PAFAH2: variants seen among roughly 807,000 people sequenced by gnomAD.
PAFAH2 encodes the protein platelet-activating factor acetylhydrolase 2, cytoplasmic.
A neutral mutation model predicts 49.0 loss-of-function variants in PAFAH2; 42 were observed. The ratio of observed to expected loss-of-function variants is 0.86; its 90% confidence interval spans 0.67 to 1.11. PAFAH2 has a LOEUF of 1.11. Among genes scored for constraint, PAFAH2 ranks in the 50% least tolerant of loss-of-function variants. PAFAH2 has a pLI of 0.00. For synonymous variants in PAFAH2, 184 were observed against 181.3 expected (o/e 1.01, Z -0.12); for missense variants, 503 against 501.8 (o/e 1.00, Z -0.02).
intron 7 of PAFAH2, among the ~76,000 whole-genome samples, chr1:25,978,519 C>T (rs745655168): frequency 3.0e-4 from 46 of 152,308 alleles, no homozygotes; most frequent in Non-Finnish European, 6.0e-4. Flanking sequence ...ATCTTTTCCT[C>T]TTCTTCCTGG....
chr1:25,989,550 C>A lies in PAFAH2; in HGVS notation c.142G>T (p.Glu48Ter). ...YPCQKAEETMEQPLWIPRYEY... is the reference protein window; with the variant it reads ...YPCQKAEETM ...TAGCGGGGAATCCACAGGGGCTGCT[C>A]CATGGTCTCCTCTGCCTTTTGGCAG... The change falls in exon 3 of 11, where the codon GAG (glutamate) becomes TAG (stop). Residue 48 changes from glutamate (E) to a stop codon, truncating the protein, a stop_gained. Coordinates refer to ENST00000374282, the MANE Select transcript of PAFAH2 (RefSeq NM_000437.4). LOFTEE classifies it high-confidence loss of function. 2 of 1,612,204 alleles carry A rather than the reference C, an allele frequency of 1.2e-6. No individual in the cohort carries two copies. The highest frequency in any genetic ancestry group is 1.7e-6 in the Non-Finnish European group (2 of 1,179,094).
chr1:25,990,716 G>A lies in PAFAH2; in HGVS notation c.90+11C>T, dbSNP rs1487894869. On this transcript the variant is annotated intron_variant, in intron 2 of 10. Transcript: ENST00000374282. Reference sequence around the variant, plus strand: ...AGTGCAAACAGAAGAAAGGGAGCTGGGGACACTTACCTGGAGATTCTGACC... The same window carrying A: ...AGTGCAAACAGAAGAAAGGGAGCTGAGGACACTTACCTGGAGATTCTGACC... 2 of 1,608,634 alleles carry A rather than the reference G, an allele frequency of 1.2e-6. No homozygotes were observed. Among genetic ancestry groups the A allele is most frequent in the African/African-American group, 2.7e-5 (2 of 74,782 alleles).
At chr1:25,966,900 T>C (rs945064006) in intron 10 of PAFAH2, among the ~76,000 whole-genome samples, 3 of 151,476 alleles carry the variant, frequency 2.0e-5, no homozygotes, top group African/African-American at 7.3e-5. Context: ...GGCCTGGTGG[T>C]GGGCGCCTGT....
chr1:25,962,178 G>A (rs1572334853), intron 10 of PAFAH2, 95 bp from the exon 11 acceptor site: 2 of 932,650 alleles, frequency 2.1e-6, no homozygotes, highest in Non-Finnish European at 3.3e-6. Flanking sequence ...CTAGAGAGAG[G>A]AGCGCCTGGG....
At chr1:25,984,644 C>T (rs757042168) in intron 4 of PAFAH2, 116 bp from the exon 5 acceptor site, 33 of 721,072 alleles carry the variant, frequency 4.6e-5, no homozygotes, top group Non-Finnish European at 7.8e-5. Context: ...TCAACCTTAA[C>T]TGTCTACCTC....
At chr1:25,983,702 C>T (rs997725335) in intron 6 of PAFAH2, among the ~76,000 whole-genome samples, 2 of 152,170 alleles carry the variant, frequency 1.3e-5, no homozygotes, top group Non-Finnish European at 1.5e-5. Flanking sequence ...TTGTCCTTCT[C>T]TTCCTACAGT....
At chr1:25,984,190 T>C in intron 5 of PAFAH2, 103 bp from the exon 6 acceptor site, 1 of 1,370,694 alleles carries the variant, frequency 7.3e-7, no homozygotes, top group Admixed American at 1.8e-5. Flanking sequence ...TAGATCACCC[T>C]TTGGCTAGTA....
At chr1:25,980,964 G>C (rs2049678788) in intron 7 of PAFAH2, among the ~76,000 whole-genome samples, 1 of 151,838 alleles carries the variant, frequency 6.6e-6, no homozygotes, top group African/African-American at 2.4e-5. Flanking sequence ...CCTCAGCCTG[G>C]GTGACAGAGT....
At chr1:25,982,500 G>C in intron 6 of PAFAH2, 23 bp from the exon 7 acceptor site, 1 of 1,549,326 alleles carries the variant, frequency 6.5e-7, no homozygotes, top group Non-Finnish European at 8.9e-7. Context: ...CAGTCCCAGT[G>C]GGACTGGAAC....
chr1:25,970,974 G>A (rs541526693), intron 10 of PAFAH2, among the ~76,000 whole-genome samples: 17 of 152,240 alleles, frequency 1.1e-4, no homozygotes, highest in South Asian at 8.3e-4. Context: ...GAATTGAACC[G>A]GGACAGGTGG....
intron 1 of PAFAH2, among the ~76,000 whole-genome samples, chr1:25,996,292 G>A (rs150187729): frequency 1.6e-3 from 250 of 152,286 alleles, no homozygotes; most frequent in African/African-American, 5.7e-3. Flanking sequence ...TGGGGCTTGG[G>A]AGCCGGAGGC....
rs1302683314 is a variant in PAFAH2 at position 25,972,514 on chromosome 1, A to G, written c.1084+44T>C. 4 of 1,585,824 alleles carry G rather than the reference A, an allele frequency of 2.5e-6. No individual in the cohort carries two copies. The African/African-American group carries it at 5.4e-5, about 22-fold the overall frequency. Reference sequence around the variant, plus strand: ...TTCTCACTCTGCTGCAAGGAAATCTAAGGGACCCCACAGCTGCCCCAAGAG... The same window carrying G: ...TTCTCACTCTGCTGCAAGGAAATCTGAGGGACCCCACAGCTGCCCCAAGAG... On this transcript the variant is annotated intron_variant, in intron 10 of 10. Transcript: ENST00000374282.
chr1:25,979,337 A>G (rs1310161357), intron 7 of PAFAH2, among the ~76,000 whole-genome samples: 4 of 127,714 alleles, frequency 3.1e-5, no homozygotes, highest in Non-Finnish European at 5.1e-5. Flanking sequence ...TTTTTTTTTG[A>G]GATAGTCTTG....
intron 4 of PAFAH2, 40 bp downstream of exon 4, chr1:25,988,191 G>T: frequency 7.6e-7 from 1 of 1,315,172 alleles, no homozygotes; most frequent in Non-Finnish European, 1.1e-6. Context: ...CTGTCACCAG[G>T]CAAGGAGTAT....
chr1:25,981,086 C>A (rs1482765877), intron 7 of PAFAH2, among the ~76,000 whole-genome samples: 1 of 151,980 alleles, frequency 6.6e-6, no homozygotes, highest in Admixed American at 6.6e-5. Context: ...GATAGCAAGA[C>A]CCTGTCTCTA....
At chr1:25,994,534 A>G (rs2049914516) in intron 1 of PAFAH2, among the ~76,000 whole-genome samples, 1 of 152,188 alleles carries the variant, frequency 6.6e-6, no homozygotes. Context: ...TGCTGTGGAA[A>G]TAAAATGAAA....
intron 1 of PAFAH2, among the ~76,000 whole-genome samples, chr1:25,994,700 G>A (rs2049916338): frequency 6.6e-6 from 1 of 152,092 alleles, no homozygotes. Context: ...GGGGAACCAG[G>A]ACAATAGTCC....
At chr1:25,983,179 T>G (rs568088144) in intron 6 of PAFAH2, among the ~76,000 whole-genome samples, 1 of 152,056 alleles carries the variant, frequency 6.6e-6, no homozygotes, top group East Asian at 1.9e-4. Flanking sequence ...TCGCTTGAGT[T>G]CAGGAGTTTG....
At chr1:25,967,130 G>T (rs953895225) in intron 10 of PAFAH2, among the ~76,000 whole-genome samples, 8 of 151,770 alleles carry the variant, frequency 5.3e-5, no homozygotes, top group Admixed American at 2.0e-4. Context: ...GATGAGAGAT[G>T]ATTTGGACAG....
Sources: allele counts gnomAD v4.1 joint callset (sites outside exome capture counted in the v4.1 genomes callset), GRCh38; gene constraint gnomAD v4.1.1; transcripts MANE v1.5; gene names NCBI Gene and HGNC (gene_info 2026-07-23, HGNC 2026-07-21).